LRP1B: variants seen among roughly 807,000 people sequenced by gnomAD.
The protein encoded by LRP1B is low-density lipoprotein receptor-related protein 1B.
LRP1B carries 217 observed loss-of-function variants against 556.6 expected under a neutral mutation model. That is an observed-to-expected ratio of 0.39 (90% confidence interval 0.35 to 0.44). The LOEUF is 0.44. Ranked by LOEUF, LRP1B falls within the 20% of genes least tolerant of loss-of-function variation. The pLI is 1.00. For synonymous variants in LRP1B, 2,047 were observed against 1,865.8 expected, an observed-to-expected ratio of 1.10 and a Z score of -2.50; for missense variants, 5,053 against 5,620.8, an observed-to-expected ratio of 0.90 and a Z score of 3.23.
At chr2:142,024,673 A>T (rs1184111059) in intron 1 of LRP1B, among the ~76,000 whole-genome samples, 9 of 82,972 alleles carry the variant, frequency 1.1e-4, no homozygotes, top group Admixed American at 5.3e-4. Flanking sequence ...AATTTTATTT[A>T]AAAAAACTAA....
intron 3 of LRP1B, among the ~76,000 whole-genome samples, chr2:141,438,327 CCATTCATTCATTCACTCACTCACT>C (rs1485761182): frequency 1.3e-5 from 2 of 151,330 alleles, no homozygotes; most frequent in Admixed American, 1.3e-4. Flanking sequence ...ACACAATAAC[CCATTCATTCATTCACTCACTCACT>C]CATTCATTCA....
intron 2 of LRP1B, among the ~76,000 whole-genome samples, chr2:141,749,806 C>T (rs1264568382): frequency 1.3e-5 from 2 of 152,066 alleles, no homozygotes; most frequent in African/African-American, 4.8e-5. Context: ...TTATGAACCT[C>T]CTGTGAGGTA....
At chr2:141,957,810 A>G (rs772244905) in intron 1 of LRP1B, among the ~76,000 whole-genome samples, 1 of 152,080 alleles carries the variant, frequency 6.6e-6, no homozygotes, top group Non-Finnish European at 1.5e-5. Context: ...GAGATAAGCT[A>G]TTAGGATTTT....
intron 2 of LRP1B, among the ~76,000 whole-genome samples, chr2:141,500,601 C>G (rs1176832550): frequency 1.3e-5 from 2 of 151,984 alleles, no homozygotes; most frequent in Non-Finnish European, 2.9e-5. Flanking sequence ...AAATATTTGT[C>G]TCAGGAAGAT....
chr2:142,003,636 A>G (rs958678160), intron 1 of LRP1B, among the ~76,000 whole-genome samples: 4 of 152,228 alleles, frequency 2.6e-5, no homozygotes, highest in Admixed American at 6.5e-5. Flanking sequence ...ATAGATAGCC[A>G]TGGCAGAGTA....
intron 43 of LRP1B, among the ~76,000 whole-genome samples, chr2:140,560,988 C>G (rs755683581): frequency 2.0e-5 from 3 of 152,046 alleles, no homozygotes; most frequent in Non-Finnish European, 4.4e-5. Context: ...GAAAACAATA[C>G]CCCGAAGTGA....
chr2:141,865,811 T>G (rs1698395511), intron 1 of LRP1B, among the ~76,000 whole-genome samples: 1 of 152,196 alleles, frequency 6.6e-6, no homozygotes, highest in South Asian at 2.1e-4. Context: ...TTAAATGGGT[T>G]TACACAAGGT....
At chr2:140,394,248 G>A (rs555329901) in intron 66 of LRP1B, among the ~76,000 whole-genome samples, 60 of 151,368 alleles carry the variant, frequency 4.0e-4, no homozygotes, top group Non-Finnish European at 6.5e-4. Flanking sequence ...TGGTGAAGCC[G>A]TTAATTCTGG....
At chr2:141,881,009 G>C (rs181165130) in intron 1 of LRP1B, among the ~76,000 whole-genome samples, 7 of 152,110 alleles carry the variant, frequency 4.6e-5, no homozygotes, top group African/African-American at 1.7e-4. Flanking sequence ...TGGGCATGAC[G>C]TTGTATCTGA....
intron 1 of LRP1B, among the ~76,000 whole-genome samples, chr2:141,925,537 T>C (rs187898825): frequency 6.6e-6 from 1 of 152,274 alleles, no homozygotes; most frequent in Non-Finnish European, 1.5e-5. Context: ...AAGAAGATTG[T>C]TACAATTTGC....
chr2:140,370,961 T>A (rs1682967975), intron 70 of LRP1B, 119 bp from the exon 71 acceptor site: 3 of 1,125,114 alleles, frequency 2.7e-6, no homozygotes, highest in African/African-American at 1.6e-5. Context: ...TTCTTTCATT[T>A]TGTCTTAATG....
At chr2:141,541,516 A>G (rs528545586) in intron 2 of LRP1B, among the ~76,000 whole-genome samples, 38 of 152,128 alleles carry the variant, frequency 2.5e-4, no homozygotes, top group African/African-American at 8.7e-4. Flanking sequence ...TGAAAATATC[A>G]TGTCAAATTT....
chr2:141,048,376 T>C (rs1016617432), intron 11 of LRP1B, among the ~76,000 whole-genome samples: 3 of 152,136 alleles, frequency 2.0e-5, no homozygotes, highest in Non-Finnish European at 2.9e-5. Context: ...AAATAATTTA[T>C]AATATACATT....
At chr2:141,375,283 G>A (rs186411035) in intron 3 of LRP1B, among the ~76,000 whole-genome samples, 67 of 152,238 alleles carry the variant, frequency 4.4e-4, no homozygotes, top group African/African-American at 1.6e-3. Flanking sequence ...GGCTGAGTGT[G>A]CCTGTTTTTA....
chr2:140,809,860 T>C (rs923545189), intron 32 of LRP1B, among the ~76,000 whole-genome samples: 2 of 152,128 alleles, frequency 1.3e-5, no homozygotes, highest in African/African-American at 4.8e-5. Flanking sequence ...CCTCATAACA[T>C]GTCAGCTGGC....
At chr2:140,518,070 A>C (rs1482961681) in intron 49 of LRP1B, among the ~76,000 whole-genome samples, 3 of 151,994 alleles carry the variant, frequency 2.0e-5, no homozygotes, top group Admixed American at 6.6e-5. Context: ...ACATGATTTT[A>C]CATGTTTGAT....
chr2:140,763,634 T>C (rs1196534254), intron 35 of LRP1B, among the ~76,000 whole-genome samples: 5 of 152,142 alleles, frequency 3.3e-5, no homozygotes, highest in African/African-American at 1.2e-4. Context: ...GGTAACATAC[T>C]GATAAATTAA....
In LRP1B at chr2:140,456,597, T is replaced by C; in HGVS notation, c.9821A>G (p.Lys3274Arg). The stretch of plus-strand genomic sequence containing the variant: ...ACCATTATTTATCATGCAGAGATGT[T>C]TGGAGACTAAAGATAAGAAAGAAAC... Reference protein sequence around the residue: ...YHSYRQPDVSKHLCMINNGGC... With the variant: ...YHSYRQPDVSRHLCMINNGGC... Residue 3274 changes from lysine (K) to arginine (R), a missense_variant, in exon 62 of 91, where the codon AAA becomes AGA. By Grantham distance (26) the Lys-to-Arg change is conservative. Transcript: ENST00000389484. The C allele has an allele frequency of 1.2e-6, 2 of 1,607,856 alleles. No homozygotes were observed. The highest frequency in any genetic ancestry group is 1.7e-5 in the Admixed American group (1 of 59,098).
chr2:142,031,270 T>C lies in LRP1B; in HGVS notation c.82+99378A>G, dbSNP rs113747230. On this transcript the variant is annotated intron_variant, in intron 1 of 90. Coordinates refer to ENST00000389484, the MANE Select transcript of LRP1B (RefSeq NM_018557.3). ...TGGAATAGTTTGGATTCTCATGTTATTGCTGAACTCAATATATCTGGTAAA... is the reference window on the plus strand; with the variant it reads ...TGGAATAGTTTGGATTCTCATGTTACTGCTGAACTCAATATATCTGGTAAA... 1.8e-3 allele frequency among the ~76,000 whole-genome samples: 273 copies of C among 151,256 alleles called. 2 individuals carry two copies. The highest frequency in any genetic ancestry group is 3.4e-3 in the Non-Finnish European group (228 of 67,702).
Sources: allele counts gnomAD v4.1 joint callset (sites outside exome capture counted in the v4.1 genomes callset), GRCh38; gene constraint gnomAD v4.1.1; transcripts MANE v1.5; gene names NCBI Gene and HGNC (gene_info 2026-07-23, HGNC 2026-07-21).